Variants in BMPR1B observed in about 807,000 individuals in gnomAD.
BMPR1B encodes bone morphogenetic protein receptor type 1B, also known as bone morphogenetic protein receptor type-1B.
BMPR1B carries 12 observed loss-of-function variants against 59.1 expected under a neutral mutation model. That is an observed-to-expected ratio of 0.20 (90% CI 0.13 to 0.33). The LOEUF is 0.33. BMPR1B is among the 10% of genes least tolerant of loss of function. The pLI, the probability that BMPR1B is intolerant of heterozygous loss-of-function variation, is 1.00. For missense variants in BMPR1B, 550 were observed against 610.9 expected (o/e 0.90, Z 1.05); for synonymous variants, 237 against 207.3 (o/e 1.14, Z -1.23).
At position 95,156,775 on chromosome 4, in the gene BMPR1B, C is replaced by A. The variant is rs1282991503; in HGVS notation, c.*2102C>A. ...TCAATAATAATGTAAAGGTTCCTTTCTCTTGTGTCAGTTATATTCTTAGGG... is the reference window on the plus strand; with the variant it reads ...TCAATAATAATGTAAAGGTTCCTTTATCTTGTGTCAGTTATATTCTTAGGG... On this transcript the variant is annotated 3_prime_UTR_variant, in exon 13 of 13. Coordinates refer to ENST00000515059, the MANE Select transcript of BMPR1B (RefSeq NM_001203.3). 2 of 152,046 alleles carry A rather than the reference C, an allele frequency of 1.3e-5. No homozygotes were observed. The highest frequency in any genetic ancestry group is 2.9e-5 in the Non-Finnish European group (2 of 67,964). The allele number at this position is 152,046 out of a possible 1,614,324, so 9.4% of individuals were successfully genotyped here. A position where few individuals can be genotyped will look rare whatever the true frequency, so the allele number is the denominator to read the frequency against.
At chr4:95,045,985 C>T (rs1018520313) in intron 3 of BMPR1B, among the ~76,000 whole-genome samples, 1 of 152,126 alleles carries the variant, frequency 6.6e-6, no homozygotes, top group Non-Finnish European at 1.5e-5. Flanking sequence ...TAAAATTCTT[C>T]AGTATACTTC....
At chr4:95,004,418 G>A (rs928583656) in intron 3 of BMPR1B, among the ~76,000 whole-genome samples, 1 of 152,166 alleles carries the variant, frequency 6.6e-6, no homozygotes, top group African/African-American at 2.4e-5. Context: ...TGATAAGCAG[G>A]TTGTTCTTCT....
At chr4:95,148,043 G>GA (rs146306940) in intron 10 of BMPR1B, among the ~76,000 whole-genome samples, 3,042 of 150,808 alleles carry the variant, frequency 0.02, 105 homozygotes, top group African/African-American at 0.07. Context: ...TTCTTCCTTT[G>GA]AAAAAAAAAG....
intron 2 of BMPR1B, among the ~76,000 whole-genome samples, chr4:94,965,078 G>A (rs1578858067): frequency 1.3e-5 from 2 of 152,002 alleles, no homozygotes; most frequent in Admixed American, 6.6e-5. Flanking sequence ...CTTGATGTGC[G>A]GAGCTTCCCA....
chr4:94,799,055 C>T (rs1371381447), intron 1 of BMPR1B, among the ~76,000 whole-genome samples: 3 of 150,948 alleles, frequency 2.0e-5, no homozygotes, highest in Non-Finnish European at 4.4e-5. Flanking sequence ...TGGATAACCC[C>T]CATAAAGGTT....
At chr4:95,094,724 A>G (rs148071631) in intron 3 of BMPR1B, among the ~76,000 whole-genome samples, 38 of 152,200 alleles carry the variant, frequency 2.5e-4, no homozygotes, top group African/African-American at 9.1e-4. Context: ...ATTTTACCCT[A>G]CATCGTCATC....
chr4:94,899,607 ACCT>A (rs1376054952), intron 2 of BMPR1B, among the ~76,000 whole-genome samples: 1 of 151,636 alleles, frequency 6.6e-6, no homozygotes, highest in African/African-American at 2.4e-5. Context: ...GTAATATATG[ACCT>A]CCTGTTAAAT....
intron 4 of BMPR1B, among the ~76,000 whole-genome samples, chr4:95,107,418 A>C (rs1352472138): frequency 6.6e-6 from 1 of 152,024 alleles, no homozygotes; most frequent in Non-Finnish European, 1.5e-5. Context: ...TCAAACTTTG[A>C]TTTATGACAG....
intron 3 of BMPR1B, among the ~76,000 whole-genome samples, chr4:95,032,460 T>A (rs1228525589): frequency 6.6e-6 from 1 of 152,172 alleles, no homozygotes; most frequent in Non-Finnish European, 1.5e-5. Flanking sequence ...CTTCAACATA[T>A]GAATTTTGAA....
intron 1 of BMPR1B, among the ~76,000 whole-genome samples, chr4:94,794,513 G>A (rs1723111199): frequency 7.4e-6 from 1 of 135,674 alleles, no homozygotes; most frequent in South Asian, 2.4e-4. Context: ...CTCTTTTTTG[G>A]TTCCATATGA....
chr4:95,130,150 T>G lies in BMPR1B; in HGVS notation c.778+96T>G, dbSNP rs940648742. On this transcript the variant is annotated intron_variant, in intron 9 of 12. Coordinates refer to ENST00000515059, the MANE Select transcript of BMPR1B (RefSeq NM_001203.3). ...TGTTAACTCATCTGTCTAGACCCGT[T>G]GCGAAATGTATTGAAGTTTTCTTCT... is the stretch of plus-strand genomic sequence containing the variant. The G allele has an allele frequency of 2.8e-6, 4 of 1,443,298 alleles. No individual in the cohort carries two copies. The African/African-American group carries it at 5.7e-5, about 21-fold the overall frequency. The allele number at this position is 1,443,298 out of a possible 1,614,324, so 89.4% of individuals were successfully genotyped here.
At chr4:95,069,519 T>A (rs1728112775) in intron 3 of BMPR1B, among the ~76,000 whole-genome samples, 1 of 152,332 alleles carries the variant, frequency 6.6e-6, no homozygotes, top group Admixed American at 6.5e-5. Flanking sequence ...TTCTCAAAAC[T>A]GACTTTTACA....
chr4:94,879,755 A>G lies in BMPR1B; in HGVS notation c.-113+3855A>G, dbSNP rs896085430. 3.9e-5 allele frequency among the ~76,000 whole-genome samples: 6 copies of G among 152,156 alleles called. No individual in the cohort carries two copies. In the South Asian group the frequency reaches 6.2e-4, roughly 16 times the overall value. On this transcript the variant is annotated intron_variant, in intron 2 of 12. Transcript: ENST00000515059. The stretch of plus-strand genomic sequence containing the variant: ...TAGAAGTAGAAAAATATTTTGTTTA[A>G]TAACTATATCTCATGATATATTTCT...
At chr4:94,936,793 T>A (rs1389001269) in intron 2 of BMPR1B, among the ~76,000 whole-genome samples, 1 of 152,148 alleles carries the variant, frequency 6.6e-6, no homozygotes, top group East Asian at 1.9e-4. Flanking sequence ...CTCTTCTCAC[T>A]CCATTTGTTT....
intron 4 of BMPR1B, among the ~76,000 whole-genome samples, chr4:95,114,317 T>C (rs1172758296): frequency 1.3e-5 from 2 of 152,144 alleles, no homozygotes; most frequent in African/African-American, 4.8e-5. Context: ...AGCCTCAGTT[T>C]CCTCATATAG....
chr4:94,849,454 A>C lies in BMPR1B; in HGVS notation c.-182-26377A>C, dbSNP rs561583830. Among the ~76,000 whole-genome samples the C allele has an allele frequency of 2.6e-5, 4 of 152,254 alleles. No homozygotes were observed. The East Asian group carries it at 7.7e-4, about 29-fold the overall frequency. On this transcript the variant is annotated intron_variant, in intron 1 of 12. Coordinates refer to ENST00000515059, the MANE Select transcript of BMPR1B (RefSeq NM_001203.3). Reference sequence around the variant, plus strand: ...CAGATTTAGACCGTTCTCTTGAGGAAAAAGGGAGCTGAGAAATGAGTGGCA... The same window carrying C: ...CAGATTTAGACCGTTCTCTTGAGGACAAAGGGAGCTGAGAAATGAGTGGCA...
chr4:95,012,366 C>G (rs1394834807), intron 3 of BMPR1B, among the ~76,000 whole-genome samples: 1 of 152,106 alleles, frequency 6.6e-6, no homozygotes, highest in Non-Finnish European at 1.5e-5. Flanking sequence ...TCTAGATGTA[C>G]ACACATATTT....
intron 3 of BMPR1B, among the ~76,000 whole-genome samples, chr4:94,997,455 A>G (rs1189578933): frequency 6.6e-6 from 1 of 152,226 alleles, no homozygotes; most frequent in African/African-American, 2.4e-5. Flanking sequence ...AAATGAGACC[A>G]ATAGCTGTGC....
chr4:94,852,187 A>G (rs1355564647), intron 1 of BMPR1B, among the ~76,000 whole-genome samples: 1 of 152,166 alleles, frequency 6.6e-6, no homozygotes. Flanking sequence ...CAGCTGGGAT[A>G]CACTAGCATG....
Sources: allele counts gnomAD v4.1 joint callset (sites outside exome capture counted in the v4.1 genomes callset), GRCh38; gene constraint gnomAD v4.1.1; transcripts MANE v1.5; gene names NCBI Gene and HGNC (gene_info 2026-07-23, HGNC 2026-07-21).